The following BMPR1B variants were observed in gnomAD, a reference collection of about 807,000 sequenced individuals.
BMPR1B encodes bone morphogenetic protein receptor type 1B, also known as bone morphogenetic protein receptor type-1B.
Under a neutral mutation model 59.1 loss-of-function variants are expected in BMPR1B, and 12 were observed. The observed-to-expected ratio is 0.20, with a 90% CI of 0.13 to 0.33. The LOEUF is 0.33. Among genes scored for constraint, BMPR1B ranks in the 10% least tolerant of loss-of-function variants. BMPR1B has a pLI of 1.00. For synonymous variants in BMPR1B, 237 were observed against 207.3 expected (o/e 1.14, Z -1.23); for missense variants, 550 against 610.9 (o/e 0.90, Z 1.05).
chr4:94,972,241 A>G (rs1730822030), intron 2 of BMPR1B, among the ~76,000 whole-genome samples: 1 of 151,792 alleles, frequency 6.6e-6, no homozygotes, highest in Admixed American at 6.6e-5. Flanking sequence ...TAAAATATAT[A>G]ATTTGTGTTC....
chr4:95,086,221 T>C (rs1406014728), intron 3 of BMPR1B, among the ~76,000 whole-genome samples: 4 of 152,206 alleles, frequency 2.6e-5, no homozygotes, highest in Admixed American at 2.6e-4. Flanking sequence ...TTGTCCCTAT[T>C]TTTTAAAAAT....
intron 1 of BMPR1B, among the ~76,000 whole-genome samples, chr4:94,822,429 G>T (rs1286469296): frequency 1.3e-5 from 2 of 152,140 alleles, no homozygotes; most frequent in East Asian, 1.9e-4. Flanking sequence ...GACATATTTC[G>T]TGATGGTTGG....
At chr4:94,920,998 T>G (rs1182300388) in intron 2 of BMPR1B, among the ~76,000 whole-genome samples, 1 of 152,160 alleles carries the variant, frequency 6.6e-6, no homozygotes, top group African/African-American at 2.4e-5. Context: ...TAAGGAAGTA[T>G]GTTTTTACCC....
At chr4:94,925,410 T>C (rs772166554) in intron 2 of BMPR1B, among the ~76,000 whole-genome samples, 3 of 152,210 alleles carry the variant, frequency 2.0e-5, no homozygotes, top group Admixed American at 6.6e-5. Flanking sequence ...TAAGAATTAA[T>C]GATGTCAAAG....
At chr4:94,998,836 C>G (rs1295726571) in intron 3 of BMPR1B, among the ~76,000 whole-genome samples, 1 of 152,166 alleles carries the variant, frequency 6.6e-6, no homozygotes, top group Non-Finnish European at 1.5e-5. Flanking sequence ...TATTAATCTT[C>G]TGCCGTTCCT....
At chr4:94,925,866 G>A (rs1266615231) in intron 2 of BMPR1B, among the ~76,000 whole-genome samples, 1 of 152,124 alleles carries the variant, frequency 6.6e-6, no homozygotes, top group Non-Finnish European at 1.5e-5. Flanking sequence ...GTGATAGGCA[G>A]CAATCAGGGC....
chr4:94,792,437 C>G (rs1410242916), intron 1 of BMPR1B, among the ~76,000 whole-genome samples: 1 of 151,988 alleles, frequency 6.6e-6, no homozygotes, highest in African/African-American at 2.4e-5. Context: ...TCCTTCTATT[C>G]CCTTTCTCAT....
intron 1 of BMPR1B, among the ~76,000 whole-genome samples, chr4:94,859,567 T>A (rs1725897711): frequency 6.6e-6 from 1 of 152,168 alleles, no homozygotes; most frequent in African/African-American, 2.4e-5. Flanking sequence ...AGAATAAAGA[T>A]AGAAAGCACT....
chr4:95,082,578 G>C (rs532940163), intron 3 of BMPR1B, among the ~76,000 whole-genome samples: 25 of 152,140 alleles, frequency 1.6e-4, no homozygotes, highest in South Asian at 2.1e-4. Context: ...TCCATAAAGT[G>C]TAAGTATTGT....
intron 2 of BMPR1B, among the ~76,000 whole-genome samples, chr4:94,934,277 G>T (rs895829382): frequency 6.6e-6 from 1 of 152,020 alleles, no homozygotes. Context: ...TTTGTAGAGT[G>T]TTAAATGCTA....
rs1170531805 is a variant in BMPR1B at position 95,131,418 on chromosome 4, A to G, written c.982A>G (p.Ile328Val). The change falls in exon 10 of 13, where the codon ATT (isoleucine) becomes GTT (valine). Residue 328 changes from isoleucine (I) to valine (V), a missense_variant. Ile to Val is a conservative substitution (Grantham distance 29). Transcript: ENST00000515059. ...EIFSTQGKPA[I>V]AHRDLKSKNI... ...CTTTAGTACTCAAGGCAAACCAGCAATTGCCCATCGAGATCTGAAAAGTAA... is the reference window on the plus strand; with the variant it reads ...CTTTAGTACTCAAGGCAAACCAGCAGTTGCCCATCGAGATCTGAAAAGTAA... 8 of 1,613,986 alleles carry G rather than the reference A, an allele frequency of 5.0e-6. No individual in the cohort carries two copies. The highest frequency in any genetic ancestry group is 2.2e-5 in the East Asian group (1 of 44,886).
chr4:95,104,114 G>T (rs776411762), intron 3 of BMPR1B, among the ~76,000 whole-genome samples: 1 of 151,756 alleles, frequency 6.6e-6, no homozygotes, highest in Non-Finnish European at 1.5e-5. Flanking sequence ...TATAGTAGAG[G>T]TTGTCTATAT....
At position 94,932,439 on chromosome 4, in the gene BMPR1B, A is replaced by T. The variant is rs191904806; in HGVS notation, c.-113+56539A>T. Among the ~76,000 whole-genome samples, 481 of 152,292 alleles carry T rather than the reference A, an allele frequency of 3.2e-3. 10 individuals carry two copies. In the South Asian group the frequency reaches 0.041, roughly 13 times the overall value. On this transcript the variant is annotated intron_variant, in intron 2 of 12. Coordinates refer to ENST00000515059, the MANE Select transcript of BMPR1B (RefSeq NM_001203.3). Reference sequence around the variant, plus strand: ...GTAACTGCATCTTTTGAAACACTTTAAAAAAGTTGGCAATGTTGATTCAAA... The same window carrying T: ...GTAACTGCATCTTTTGAAACACTTTTAAAAAGTTGGCAATGTTGATTCAAA...
chr4:94,967,757 A>G (rs1166584531), intron 2 of BMPR1B, among the ~76,000 whole-genome samples: 1 of 152,208 alleles, frequency 6.6e-6, no homozygotes, highest in Non-Finnish European at 1.5e-5. Flanking sequence ...TGCTGGAATT[A>G]CAGGCATGAG....
At chr4:95,144,561 CATCTCT>C (rs1734503286) in intron 10 of BMPR1B, among the ~76,000 whole-genome samples, 1 of 151,790 alleles carries the variant, frequency 6.6e-6, no homozygotes, top group Admixed American at 6.6e-5. Context: ...ATTTATCTGA[CATCTCT>C]TTATTTTATT....
chr4:95,053,335 C>A (rs939862149), intron 3 of BMPR1B, among the ~76,000 whole-genome samples: 25 of 104,250 alleles, frequency 2.4e-4, no homozygotes, highest in African/African-American at 7.0e-4. Flanking sequence ...TGTGCCTGTA[C>A]TTAATTTATC....
At chr4:94,857,389 T>C (rs12510047) in intron 1 of BMPR1B, among the ~76,000 whole-genome samples, 17,175 of 152,196 alleles carry the variant, frequency 0.11, 1,037 homozygotes, top group Non-Finnish European at 0.14. Flanking sequence ...GCACTTTATC[T>C]TCAATGAATA....
rs191566608 is a variant in BMPR1B at position 94,799,722 on chromosome 4, A to G, written c.-183+41654A>G. Among the ~76,000 whole-genome samples, 372 of 143,736 alleles carry G rather than the reference A, an allele frequency of 2.6e-3. 4 individuals are homozygous for G. The highest frequency in any genetic ancestry group is 0.024 in the Admixed American group (345 of 14,240). 94.3% of individuals were successfully genotyped at this position (143,736 alleles called of 152,430 possible). A position where few individuals can be genotyped will look rare whatever the true frequency, so the allele number is the denominator to read the frequency against. The stretch of plus-strand genomic sequence containing the variant: ...TGTTTTTGTTCTGAGACAGAGTCTC[A>G]CTCTGTCACCCAGGCTGGAGTGCAG... On this transcript the variant is annotated intron_variant, in intron 1 of 12. Coordinates refer to ENST00000515059, the MANE Select transcript of BMPR1B (RefSeq NM_001203.3).
intron 2 of BMPR1B, among the ~76,000 whole-genome samples, chr4:94,991,921 A>T (rs538857148): frequency 2.6e-5 from 4 of 152,342 alleles, no homozygotes; most frequent in African/African-American, 9.6e-5. Flanking sequence ...TACTGAATTG[A>T]TGCAGTCTTC....
Sources: gnomAD v4.1 joint callset for allele counts (sites outside exome capture counted in the v4.1 genomes callset) on GRCh38, gnomAD v4.1.1 for gene constraint, MANE v1.5 for transcripts, NCBI Gene and HGNC (gene_info 2026-07-23, HGNC 2026-07-21) for gene names.